The following ARID5B variants were observed in gnomAD, a reference collection of about 807,000 sequenced individuals.
ARID5B encodes the protein AT-rich interactive domain-containing protein 5B.
In ARID5B, 13 loss-of-function variants were observed where a neutral mutation model predicts 97.2. The observed-to-expected ratio is 0.13, with a 90% CI of 0.09 to 0.21. ARID5B has a LOEUF of 0.21. ARID5B is among the 10% of genes least tolerant of loss of function. The pLI is 1.00. For synonymous variants in ARID5B, 556 were observed against 570.3 expected, an observed-to-expected ratio of 0.97 and a Z score of 0.36; for missense variants, 1,210 against 1,465.3, an observed-to-expected ratio of 0.83 and a Z score of 2.84.
Position 62,092,597 on chromosome 10 carries a change from A to C in ARID5B, c.3134A>C (p.Lys1045Thr), listed in dbSNP as rs775949292. The part of the protein sequence containing the change: ...DPSKEVSGKE[K>T]ASEQESEGSK... ...TCCAAGGAGGTCTCTGGGAAGGAGA[A>C]GGCCTCTGAGCAGGAGAGTGAAGGC... The change falls in exon 10 of 10, where the codon AAG becomes ACG. Residue 1045 changes from lysine to threonine, a missense_variant. Coordinates refer to ENST00000279873, the MANE Select transcript of ARID5B (RefSeq NM_032199.3). 6.2e-7 allele frequency: 1 copy of C among 1,614,186 alleles called. No homozygotes were observed. Among genetic ancestry groups the C allele is most frequent in the South Asian group, 1.1e-5 (1 of 91,082 alleles).
chr10:61,997,596 C>T (rs180881422), intron 3 of ARID5B, among the ~76,000 whole-genome samples: 94 of 152,146 alleles, frequency 6.2e-4, no homozygotes, highest in African/African-American at 2.2e-3. Context: ...ATTGCACAAC[C>T]AAGATAGAAT....
chr10:61,989,762 T>C (rs1838897201), intron 3 of ARID5B, among the ~76,000 whole-genome samples: 2 of 152,192 alleles, frequency 1.3e-5, no homozygotes, highest in Admixed American at 6.5e-5. Flanking sequence ...TAGAGCATCA[T>C]AACACAGGCC....
chr10:62,011,678 T>C (rs1310833370), intron 4 of ARID5B, among the ~76,000 whole-genome samples: 4 of 152,174 alleles, frequency 2.6e-5, no homozygotes. Context: ...TCAGAGCACC[T>C]CCACCTCTTC....
At chr10:61,952,642 T>G (rs973395046) in intron 3 of ARID5B, among the ~76,000 whole-genome samples, 1 of 152,242 alleles carries the variant, frequency 6.6e-6, no homozygotes, top group African/African-American at 2.4e-5. Context: ...TTTAGAGCAC[T>G]TCCTAAGACA....
chr10:62,061,691 T>C (rs1434724787), intron 7 of ARID5B, among the ~76,000 whole-genome samples: 2 of 152,176 alleles, frequency 1.3e-5, no homozygotes, highest in Non-Finnish European at 2.9e-5. Context: ...TGGTACTGTG[T>C]GGGCGCCTTC....
chr10:61,996,128 A>G (rs1489523806), intron 3 of ARID5B, among the ~76,000 whole-genome samples: 14 of 152,204 alleles, frequency 9.2e-5, no homozygotes, highest in Admixed American at 9.2e-4. Flanking sequence ...ATGCATAGAA[A>G]GTAGAAAGTT....
chr10:61,904,097 C>T (rs1313454655), intron 2 of ARID5B, among the ~76,000 whole-genome samples: 1 of 148,758 alleles, frequency 6.7e-6, no homozygotes, highest in African/African-American at 2.5e-5. Flanking sequence ...CTCCCCCTCC[C>T]TCTCCCCCTC....
chr10:61,928,698 T>C (rs1405918569), intron 2 of ARID5B, among the ~76,000 whole-genome samples: 1 of 152,230 alleles, frequency 6.6e-6, no homozygotes, highest in East Asian at 1.9e-4. Flanking sequence ...TTAATGAAGC[T>C]TGACTGCATT....
intron 8 of ARID5B, among the ~76,000 whole-genome samples, chr10:62,082,631 T>C (rs1010951173): frequency 5.3e-5 from 8 of 152,230 alleles, no homozygotes; most frequent in Non-Finnish European, 1.0e-4. Flanking sequence ...TACTCAGCTT[T>C]CTACATAGGG....
chr10:62,085,785 G>A lies in ARID5B; in HGVS notation c.1283G>A (p.Ser428Asn). Reference protein sequence around the residue: ...PPIKPRKQENSSQENENKTKV... With the variant: ...PPIKPRKQENNSQENENKTKV... ...ATCAAACCTCGGAAACAGGAGAACA[G>A]TTCACAGGAAAATGAGAACAAAACA... Residue 428 changes from serine to asparagine, a missense_variant, in exon 9 of 10, where the codon AGT becomes AAT. Ser to Asn is a conservative substitution (Grantham distance 46). Coordinates refer to ENST00000279873, the MANE Select transcript of ARID5B (RefSeq NM_032199.3). The A allele has an allele frequency of 6.2e-7, 1 of 1,614,114 alleles. No homozygotes were observed. Among genetic ancestry groups the A allele is most frequent in the African/African-American group, 1.3e-5 (1 of 75,014 alleles).
At chr10:61,928,081 G>A (rs114231582) in intron 2 of ARID5B, among the ~76,000 whole-genome samples, 370 of 152,206 alleles carry the variant, frequency 2.4e-3, no homozygotes, top group African/African-American at 8.7e-3. Context: ...GTCCCTTCAG[G>A]CTGGTGGCAT....
intron 7 of ARID5B, among the ~76,000 whole-genome samples, chr10:62,068,757 G>A (rs1006924425): frequency 2.0e-5 from 3 of 152,026 alleles, no homozygotes; most frequent in African/African-American, 7.3e-5. Context: ...CAAATTTCAA[G>A]GAAATACTAG....
Position 62,087,231 on chromosome 10 carries a change from G to A in ARID5B, c.1398+1331G>A, listed in dbSNP as rs1254783173. On this transcript the variant is annotated intron_variant, in intron 9 of 9. Coordinates refer to ENST00000279873, the MANE Select transcript of ARID5B (RefSeq NM_032199.3). ...GGAGAATGGCGTGAACCCAGGAGGC[G>A]GAGCTTGCAGTGAGCCGAGATCAGG... Among the ~76,000 whole-genome samples the A allele has an allele frequency of 8.7e-5, 11 of 126,908 alleles. 1 individual carries two copies. The highest frequency in any genetic ancestry group is 3.0e-5 in the African/African-American group (1 of 33,596). 83.3% of individuals were successfully genotyped at this position (126,908 alleles called of 152,430 possible).
At chr10:61,902,019 A>G (rs1432806967) in intron 1 of ARID5B, 140 bp from the exon 2 acceptor site, 1 of 938,496 alleles carries the variant, frequency 1.1e-6, no homozygotes, top group Non-Finnish European at 1.5e-6. Context: ...TGTGGGTGCT[A>G]TTATTTTTCC....
intron 4 of ARID5B, among the ~76,000 whole-genome samples, chr10:62,033,302 C>T (rs1004010702): frequency 1.3e-5 from 2 of 152,200 alleles, no homozygotes; most frequent in African/African-American, 4.8e-5. Context: ...CTCTCGCGTG[C>T]ACTGTCTCTC....
chr10:62,041,105 T>C (rs1168522844), intron 4 of ARID5B, among the ~76,000 whole-genome samples: 1 of 152,192 alleles, frequency 6.6e-6, no homozygotes, highest in Non-Finnish European at 1.5e-5. Flanking sequence ...TTATCAACCT[T>C]GTTGCTGCCT....
At chr10:62,075,617 C>G (rs962416981) in intron 8 of ARID5B, among the ~76,000 whole-genome samples, 1 of 152,240 alleles carries the variant, frequency 6.6e-6, no homozygotes, top group Non-Finnish European at 1.5e-5. Context: ...AGGAGCTTGT[C>G]AAAGCTCCTC....
intron 2 of ARID5B, among the ~76,000 whole-genome samples, chr10:61,913,810 G>A (rs1232484443): frequency 3.3e-5 from 5 of 152,204 alleles, no homozygotes; most frequent in African/African-American, 1.2e-4. Context: ...GGAGTACAAT[G>A]GCGCAATCTC....
intron 4 of ARID5B, among the ~76,000 whole-genome samples, chr10:62,015,685 G>A (rs986438408): frequency 6.6e-6 from 1 of 151,998 alleles, no homozygotes; most frequent in African/African-American, 2.4e-5. Flanking sequence ...GTGCAGTGGC[G>A]CGATCTTGGC....
Sources: gnomAD v4.1 joint callset for allele counts (sites outside exome capture counted in the v4.1 genomes callset) on GRCh38, gnomAD v4.1.1 for gene constraint, MANE v1.5 for transcripts, NCBI Gene and HGNC (gene_info 2026-07-23, HGNC 2026-07-21) for gene names.